Variants in FAIM2 observed in about 807,000 individuals in gnomAD.
FAIM2 encodes Fas apoptotic inhibitory molecule 2.
A neutral mutation model predicts 47.4 loss-of-function variants in FAIM2; 27 were observed. The ratio of observed to expected loss-of-function variants is 0.57; its 90% CI spans 0.42 to 0.78. The LOEUF is 0.78. Among genes scored for constraint, FAIM2 ranks in the 30% least tolerant of loss-of-function variants. The pLI, the probability that FAIM2 is intolerant of heterozygous loss-of-function variation, is 0.00. For synonymous variants in FAIM2, 156 were observed against 159.3 expected, an observed-to-expected ratio of 0.98 and a Z score of 0.16; for missense variants, 311 against 389.4, an observed-to-expected ratio of 0.80 and a Z score of 1.69.
intron 5 of FAIM2, among the ~76,000 whole-genome samples, chr12:49,892,033 C>G (rs1946903505): frequency 6.6e-6 from 1 of 152,154 alleles, no homozygotes. Flanking sequence ...CTTTCCCCAT[C>G]TCCTTCCTCG....
At chr12:49,897,736 A>C in intron 3 of FAIM2, 153 bp from the exon 4 acceptor site, 1 of 657,432 alleles carries the variant, frequency 1.5e-6, no homozygotes, top group East Asian at 2.7e-5. Context: ...AGGCGAAAGG[A>C]AAGCAAAGAT....
chr12:49,879,226 GTGTA>G (rs1453391368), intron 11 of FAIM2, among the ~76,000 whole-genome samples: 1 of 24,890 alleles, frequency 4.0e-5, no homozygotes, highest in Non-Finnish European at 7.3e-5. Context: ...ATGTGCATGT[GTGTA>G]TGTATGCATG....
chr12:49,877,718 C>A (rs1225769737), intron 11 of FAIM2, among the ~76,000 whole-genome samples: 2 of 152,136 alleles, frequency 1.3e-5, no homozygotes, highest in Non-Finnish European at 2.9e-5. Flanking sequence ...TGTGCGCGCA[C>A]ACGGCATGTG....
rs1303785749 is a variant in FAIM2, at chr12:49,878,605, C to CATGTGT, written c.802-7958_802-7953dup. On this transcript the variant is annotated intron_variant, in intron 11 of 11. Coordinates refer to ENST00000320634, the MANE Select transcript of FAIM2 (RefSeq NM_012306.4). ...ATGTACATGTGTATGTGTATGTGTG[C>CATGTGT]ATGTGTATGTGTGCATATGTGTATG... Among the ~76,000 whole-genome samples, 3 of 125,034 alleles carry CATGTGT rather than the reference C, an allele frequency of 2.4e-5. 1 individual carries two copies. The highest frequency in any genetic ancestry group is 6.3e-5 in the African/African-American group (2 of 31,804). 82.0% of individuals were successfully genotyped at this position (125,034 alleles called of 152,430 possible).
chr12:49,891,821 TG>T (rs1412150825), intron 5 of FAIM2, among the ~76,000 whole-genome samples: 1 of 152,182 alleles, frequency 6.6e-6, no homozygotes, highest in Non-Finnish European at 1.5e-5. Context: ...AGTGGGAGGC[TG>T]GCAGGCAGCT....
chr12:49,880,900 G>C lies in FAIM2; in HGVS notation c.801+6486C>G, dbSNP rs1041870390. 8.5e-5 allele frequency among the ~76,000 whole-genome samples: 13 copies of C among 152,048 alleles called. 1 individual carries two copies. Among genetic ancestry groups the C allele is most frequent in the South Asian group, 2.1e-4 (1 of 4,820 alleles). ...AATGTGAGTGTGTGTGTGTGTGTGT[G>C]TCTCTCTGGATGTGCTGTCTTGGCT... On this transcript the variant is annotated intron_variant, in intron 11 of 11. Coordinates refer to ENST00000320634, the MANE Select transcript of FAIM2 (RefSeq NM_012306.4).
At position 49,903,896 on chromosome 12, in the gene FAIM2, C is replaced by G; in HGVS notation, c.-104G>C. On this transcript the variant is annotated 5_prime_UTR_variant, in exon 1 of 12. Coordinates refer to ENST00000320634, the MANE Select transcript of FAIM2 (RefSeq NM_012306.4). ...TCCTCCGCGTGGGTTCTAGCAACAT[C>G]CACTGCAGCCGGGCCAGGCGAGCCG... 2 of 1,220,266 alleles carry G rather than the reference C, an allele frequency of 1.6e-6. No homozygotes were observed. The highest frequency in any genetic ancestry group is 2.2e-6 in the Non-Finnish European group (2 of 894,156). The allele number at this position is 1,220,266 out of a possible 1,614,324, so 75.6% of individuals were successfully genotyped here.
At chr12:49,882,248 G>A (rs603846) in intron 11 of FAIM2, among the ~76,000 whole-genome samples, 14,098 of 152,218 alleles carry the variant, frequency 0.093, 1,474 homozygotes, top group African/African-American at 0.25. Flanking sequence ...ATGGGCAGAC[G>A]AGAGACCAGG....
intron 11 of FAIM2, among the ~76,000 whole-genome samples, chr12:49,871,289 G>T (rs920434144): frequency 3.9e-5 from 6 of 152,224 alleles, no homozygotes; most frequent in African/African-American, 1.2e-4. Flanking sequence ...TGAGCAGGCC[G>T]GCTTCGGAGC....
intron 5 of FAIM2, 107 bp downstream of exon 5, chr12:49,896,924 G>T (rs1946941754): frequency 1.1e-6 from 1 of 898,076 alleles, no homozygotes; most frequent in Admixed American, 1.7e-5. Context: ...TCCCTGTGGG[G>T]CTGGGGGAAG....
At chr12:49,888,653 C>T (rs1353395801) in intron 10 of FAIM2, among the ~76,000 whole-genome samples, 9 of 152,126 alleles carry the variant, frequency 5.9e-5, no homozygotes, top group South Asian at 2.1e-4. Context: ...GGGTATACTC[C>T]GAGCCCCGCT....
chr12:49,881,774 A>G (rs916512001), intron 11 of FAIM2, among the ~76,000 whole-genome samples: 1 of 152,180 alleles, frequency 6.6e-6, no homozygotes, highest in Non-Finnish European at 1.5e-5. Context: ...GATATGGGGT[A>G]GGGGTAAGAC....
chr12:49,899,734 G>C (rs1221994990), intron 2 of FAIM2, among the ~76,000 whole-genome samples: 1 of 152,220 alleles, frequency 6.6e-6, no homozygotes, highest in African/African-American at 2.4e-5. Context: ...GTGTCACTGT[G>C]TGGTAGTTGT....
intron 11 of FAIM2, among the ~76,000 whole-genome samples, chr12:49,875,704 G>A (rs562630795): frequency 2.3e-4 from 35 of 152,272 alleles, no homozygotes; most frequent in Non-Finnish European, 1.3e-4. Context: ...GGCCAGGTGC[G>A]GTGGTTCATC....
At chr12:49,879,784 A>G (rs370521266) in intron 11 of FAIM2, among the ~76,000 whole-genome samples, 2,407 of 148,804 alleles carry the variant, frequency 0.016, 65 homozygotes, top group African/African-American at 0.056. Context: ...ATATATGTGC[A>G]TGTGTGTATG....
At chr12:49,897,871 GAT>G in intron 3 of FAIM2, 114 bp downstream of exon 3, 1 of 790,780 alleles carries the variant, frequency 1.3e-6, no homozygotes. Flanking sequence ...TGTCAGCTGG[GAT>G]CACAAGAGAA....
chr12:49,875,666 C>T lies in FAIM2; in HGVS notation c.802-5013G>A, dbSNP rs370228003. On this transcript the variant is annotated intron_variant, in intron 11 of 11. Transcript: ENST00000320634. ...TGTATGAAAGTGTATTAATGACACA[C>T]GATTATCTATCAACTTTTTAAAAAG... Among the ~76,000 whole-genome samples, 6 of 152,188 alleles carry T rather than the reference C, an allele frequency of 3.9e-5. No homozygotes were observed. The South Asian group carries it at 1.2e-3, about 32-fold the overall frequency.
At position 49,896,381 on chromosome 12, in the gene FAIM2, C is replaced by T. The variant is rs1461956727; in HGVS notation, c.434+650G>A. Among the ~76,000 whole-genome samples, 5 of 152,116 alleles carry T rather than the reference C, an allele frequency of 3.3e-5. 1 individual carries two copies. Among genetic ancestry groups the T allele is most frequent in the African/African-American group, 9.7e-5 (4 of 41,406 alleles). On this transcript the variant is annotated intron_variant, in intron 5 of 11. Transcript: ENST00000320634. ...CAAAGAATATAGGACAAGCAGGAGC[C>T]GAGTGGCTCGAGGGCTGCAGGGAGC...
intron 11 of FAIM2, among the ~76,000 whole-genome samples, chr12:49,871,064 C>T (rs550115893): frequency 6.6e-6 from 1 of 152,310 alleles, no homozygotes; most frequent in East Asian, 1.9e-4. Flanking sequence ...GCCTAGTCTT[C>T]TTGCCATTCC....
Sources: allele counts gnomAD v4.1 joint callset (sites outside exome capture counted in the v4.1 genomes callset), GRCh38; gene constraint gnomAD v4.1.1; transcripts MANE v1.5; gene names NCBI Gene and HGNC (gene_info 2026-07-23, HGNC 2026-07-21).